The following GPHN variants were observed in gnomAD, a reference collection of about 807,000 sequenced individuals.
GPHN encodes gephyrin.
Under a neutral mutation model 95.5 loss-of-function variants are expected in GPHN, and 17 were observed. That is an observed-to-expected ratio of 0.18 (90% confidence interval 0.12 to 0.27). The LOEUF is 0.27. Among genes scored for constraint, GPHN ranks in the 10% least tolerant of loss-of-function variants. The pLI, the probability that GPHN is intolerant of heterozygous loss-of-function variation, is 1.00. For synonymous variants in GPHN, 320 were observed against 322.5 expected, an observed-to-expected ratio of 0.99 and a Z score of 0.08; for missense variants, 660 against 978.1, an observed-to-expected ratio of 0.67 and a Z score of 4.34.
chr14:67,341,517 G>A, the GPHN span, among the ~76,000 whole-genome samples: 1 of 151,274 alleles, frequency 6.6e-6, no homozygotes, highest in African/African-American at 2.4e-5. Context: ...GAGGTGGGGG[G>A]GGTCAGCCCC....
chr14:67,579,883 G>A, the GPHN span: 4 of 1,593,606 alleles, frequency 2.5e-6, no homozygotes, highest in Admixed American at 3.5e-5. Flanking sequence ...CAAGGTGACA[G>A]CCTCCCACTA....
At chr14:67,656,700 T>A in the GPHN span, 2 of 1,226,928 alleles carry the variant, frequency 1.6e-6, no homozygotes, top group East Asian at 4.9e-5. Flanking sequence ...GCAATAATTT[T>A]CATTCCTTTT....
the GPHN span, among the ~76,000 whole-genome samples, chr14:67,683,837 C>A: frequency 1.3e-5 from 2 of 152,192 alleles, no homozygotes; most frequent in Non-Finnish European, 2.9e-5. Flanking sequence ...AATAAATTTC[C>A]TTCTTGCTTA....
chr14:67,670,508 A>G, the GPHN span, among the ~76,000 whole-genome samples: 1 of 151,176 alleles, frequency 6.6e-6, no homozygotes, highest in Admixed American at 6.6e-5. Flanking sequence ...AGCCCTTTTT[A>G]TGGTCTCAGA....
intron 1 of GPHN, among the ~76,000 whole-genome samples, chr14:66,525,137 C>G (rs2058635323): frequency 6.6e-6 from 1 of 152,200 alleles, no homozygotes; most frequent in South Asian, 2.1e-4. Flanking sequence ...GCCTATTTCT[C>G]TACATCCTCT....
chr14:67,099,059 G>A (rs1032837019), intron 12 of GPHN, among the ~76,000 whole-genome samples: 3 of 151,842 alleles, frequency 2.0e-5, no homozygotes, highest in African/African-American at 4.8e-5. Flanking sequence ...AACAAGATTG[G>A]TAAAATGTTG....
At chr14:66,566,768 G>A (rs954376113) in intron 1 of GPHN, among the ~76,000 whole-genome samples, 14 of 152,152 alleles carry the variant, frequency 9.2e-5, no homozygotes, top group African/African-American at 3.4e-4. Context: ...ATAGAGCAGA[G>A]AACATCACAG....
the GPHN span, chr14:67,582,288 G>A: frequency 6.2e-7 from 1 of 1,604,494 alleles, no homozygotes; most frequent in African/African-American, 1.3e-5. The surrounding 1 kb of genome is among the most constrained non-coding windows in gnomAD (Gnocchi z 5.0). Flanking sequence ...AAACACAGGA[G>A]AGATTCTGCA....
At chr14:67,292,462 A>T in the GPHN span, 20 of 1,292,674 alleles carry the variant, frequency 1.5e-5, no homozygotes, top group Non-Finnish European at 2.1e-5. Context: ...TGCATGTTGA[A>T]TTAATACTGA....
chr14:66,585,638 C>T (rs9944069), intron 1 of GPHN, among the ~76,000 whole-genome samples: 38,290 of 151,856 alleles, frequency 0.25, 9,732 homozygotes, highest in African/African-American at 0.62. Flanking sequence ...GCCTCCATTT[C>T]GTTATGTACC....
the GPHN span, among the ~76,000 whole-genome samples, chr14:67,490,378 G>T: frequency 6.6e-6 from 1 of 152,206 alleles, no homozygotes; most frequent in African/African-American, 2.4e-5. Context: ...CCAACATCAC[G>T]CAAGGAAGAC....
chr14:66,658,220 G>T (rs140085015), intron 1 of GPHN, among the ~76,000 whole-genome samples: 1,843 of 152,192 alleles, frequency 0.012, 21 homozygotes, highest in Non-Finnish European at 0.018. Context: ...CTGAATTTCT[G>T]CAATCTCATG....
chr14:67,122,264 T>A lies in GPHN; in HGVS notation c.1635T>A (p.Asn545Lys). ...AVMSTGNELL[N>K]PEDDLLPGKI... is the part of the protein sequence containing the mutation. ...GTTTTTTGGCTTTGTAGCTGCTAAA[T>A]CCTGAAGATGACCTCTTACCAGGGA... The change falls in exon 17 of 23, where the codon AAT (asparagine) becomes AAA (lysine). Residue 545 changes from asparagine (N) to lysine (K), a missense_variant. Asn to Lys is a moderately conservative substitution (Grantham distance 94, BLOSUM62 0). Transcript: ENST00000478722. The A allele has an allele frequency of 6.2e-7, 1 of 1,613,652 alleles. No individual in the cohort carries two copies. The highest frequency in any genetic ancestry group is 8.5e-7 in the Non-Finnish European group (1 of 1,179,602).
the GPHN span, among the ~76,000 whole-genome samples, chr14:67,639,937 A>AAG: frequency 6.6e-6 from 1 of 151,014 alleles, no homozygotes; most frequent in Admixed American, 6.6e-5. Context: ...AAAAAAAAAA[A>AAG]AAAAAAAAAA....
At chr14:66,914,254 T>G (rs747304656) in intron 5 of GPHN, among the ~76,000 whole-genome samples, 13 of 152,164 alleles carry the variant, frequency 8.5e-5, no homozygotes, top group Non-Finnish European at 1.9e-4. Flanking sequence ...TGGATTTGAT[T>G]ACCAAAAATT....
the GPHN span, among the ~76,000 whole-genome samples, chr14:67,667,649 T>TA: frequency 6.6e-6 from 1 of 151,826 alleles, no homozygotes; most frequent in Non-Finnish European, 1.5e-5. Flanking sequence ...CAGTAGAAAA[T>TA]ATGAGGAGTT....
the GPHN span, chr14:67,376,360 A>G: frequency 9.1e-3 from 12,152 of 1,337,126 alleles, 83 homozygotes; most frequent in Non-Finnish European, 0.011. Flanking sequence ...TAGCCAAATT[A>G]TGTTATTTAC....
At chr14:66,893,481 C>A (rs960653866) in intron 5 of GPHN, among the ~76,000 whole-genome samples, 5 of 152,158 alleles carry the variant, frequency 3.3e-5, no homozygotes, top group African/African-American at 1.2e-4. Flanking sequence ...CTCACCACTG[C>A]TATTCAACAT....
At chr14:67,156,136 A>G (rs2081571643) in intron 18 of GPHN, among the ~76,000 whole-genome samples, 2 of 152,220 alleles carry the variant, frequency 1.3e-5, no homozygotes, top group Admixed American at 1.3e-4. Context: ...AGAAAGGACT[A>G]AAGAGGGTTA....
Sources: gnomAD v4.1 joint callset for allele counts (sites outside exome capture counted in the v4.1 genomes callset) on GRCh38, gnomAD v4.1.1 for gene constraint, Gnocchi (gnomAD v3.1) non-coding constraint, MANE v1.5 for transcripts, NCBI Gene and HGNC (gene_info 2026-07-23, HGNC 2026-07-21) for gene names.